NPC1: variants seen among roughly 807,000 people sequenced by gnomAD.
NPC1 encodes Niemann-Pick C1 protein.
NPC1 carries 85 observed loss-of-function variants against 140.4 expected under a neutral mutation model. The observed-to-expected ratio is 0.61, with a 90% CI of 0.51 to 0.72. The LOEUF (loss-of-function observed/expected upper bound fraction) is 0.72, where lower values mean the gene tolerates loss of function less well. Among genes scored for constraint, NPC1 ranks in the 30% least tolerant of loss-of-function variants. NPC1 has a pLI of 0.00. For synonymous variants in NPC1, 656 were observed against 624.8 expected, an observed-to-expected ratio of 1.05 and a Z score of -0.74; for missense variants, 1,504 against 1,623.8, an observed-to-expected ratio of 0.93 and a Z score of 1.27.
chr18:23,516,487 AGT>A (rs2058008402), intron 3 of NPC1: 12 of 1,543,098 alleles, frequency 7.8e-6, no homozygotes, highest in Admixed American at 6.8e-5. Flanking sequence ...TAATAGAAGG[AGT>A]GTGTTACAAG....
chr18:23,524,310 C>T, downstream of NPC1: 1 of 1,487,144 alleles, frequency 6.7e-7, no homozygotes, highest in Non-Finnish European at 9.4e-7. Context: ...CCTGACTGTC[C>T]AGGGGCCTCG....
At chr18:23,584,958 G>A (rs1471122215) in intron 1 of NPC1, among the ~76,000 whole-genome samples, 7 of 152,154 alleles carry the variant, frequency 4.6e-5, no homozygotes, top group Non-Finnish European at 2.9e-5. Flanking sequence ...AAGGTGGAAG[G>A]ACTGCTTGAG....
Position 23,515,643 on chromosome 18 carries a change from G to A in NPC1, c.432-9001C>T, listed in dbSNP as rs560172599. 6.6e-5 allele frequency among the ~76,000 whole-genome samples: 10 copies of A among 152,056 alleles called. 1 individual carries two copies. The highest frequency in any genetic ancestry group is 1.2e-4 in the Non-Finnish European group (8 of 68,004). On this transcript the variant is annotated intron_variant, in intron 3 of 3. Coordinates refer to the NPC1 transcript ENST00000591107. The stretch of plus-strand genomic sequence containing the variant: ...TCCTGGGTTCATTCAAGCAATTCTT[G>A]TGCCTCAGCCTTCTGAGTAGCTGGA...
rs1443429857 is a variant in NPC1, at chr18:23,545,106, T to C, written c.1801A>G (p.Ile601Val). Residue 601 changes from isoleucine (I) to valine (V), a missense_variant, in exon 12 of 25, where the codon ATT (isoleucine) becomes GTT (valine). By Grantham distance (29) the Ile-to-Val change is conservative. Transcript: ENST00000269228. ...VKNYKNPNLT[I>V]SFTAERSIED... ...ATACTTCGTTCAGCAGTGAAGGAAA[T>C]GGTCAGATTGGGATTCTTGTAGTTT... 1.9e-6 allele frequency: 3 copies of C among 1,613,484 alleles called. No individual in the cohort carries two copies. The highest frequency in any genetic ancestry group is 2.2e-5 in the East Asian group (1 of 44,894).
At chr18:23,524,668 T>C (rs979476365), downstream of NPC1, among the ~76,000 whole-genome samples, 1 of 152,004 alleles carries the variant, frequency 6.6e-6, no homozygotes, top group African/African-American at 2.4e-5. Context: ...CAAGAACATA[T>C]ACTACTTTTA....
rs552961636 is a variant in NPC1 at position 23,538,153 on chromosome 18, G to A, written c.3041+389C>T. Among the ~76,000 whole-genome samples, 19 of 152,266 alleles carry A rather than the reference G, an allele frequency of 1.2e-4. 1 individual carries two copies. In the South Asian group the frequency reaches 3.9e-3, roughly 32 times the overall value. On this transcript the variant is annotated intron_variant, in intron 20 of 24. Transcript: ENST00000269228. ...AATCGCAACCTTAATGTGGGATAAT[G>A]TTACTAAAGCTAAGATCACGCCCCA...
intron 3 of NPC1, among the ~76,000 whole-genome samples, chr18:23,570,014 A>T (rs1216378219): frequency 6.6e-6 from 1 of 152,222 alleles, no homozygotes; most frequent in Non-Finnish European, 1.5e-5. Flanking sequence ...TAAGACAAAG[A>T]ATGAAAAAAG....
intron 11 of NPC1, among the ~76,000 whole-genome samples, chr18:23,547,793 T>C (rs1197501668): frequency 6.6e-6 from 1 of 152,186 alleles, no homozygotes; most frequent in African/African-American, 2.4e-5. Context: ...TTGCACACTT[T>C]TGCATTCCTG....
At chr18:23,510,133 G>A (rs1432784167) in intron 3 of NPC1, among the ~76,000 whole-genome samples, 1 of 151,786 alleles carries the variant, frequency 6.6e-6, no homozygotes, top group Non-Finnish European at 1.5e-5. Flanking sequence ...GACCAGCCAG[G>A]CCAACATGAT....
At chr18:23,508,732 C>G (rs1770923890) in intron 3 of NPC1, 1 of 152,698 alleles carries the variant, frequency 6.5e-6, no homozygotes. Flanking sequence ...TGAAGAGACC[C>G]TCAGCCCGGC....
chr18:23,569,051 C>A, intron 3 of NPC1, 53 bp from the exon 4 acceptor site: 1 of 1,250,922 alleles, frequency 8.0e-7, no homozygotes, highest in Non-Finnish European at 1.2e-6. Flanking sequence ...ATAGGGCCAG[C>A]AAGAACGATT....
At chr18:23,549,978 TAAGAAA>T (rs1454194719) in intron 10 of NPC1, among the ~76,000 whole-genome samples, 5 of 151,754 alleles carry the variant, frequency 3.3e-5, no homozygotes, top group African/African-American at 1.2e-4. Context: ...CTTTATTTAT[TAAGAAA>T]ATGCTGACTG....
rs1420752430 is a variant in NPC1, at chr18:23,541,193, T to C, written c.2389A>G (p.Ile797Val). Residue 797 changes from isoleucine (I) to valine (V), a missense_variant, in exon 16 of 25, where the codon ATC (isoleucine) becomes GTC (valine). Transcript: ENST00000269228. Reference protein sequence around the residue: ...IKRQEKNRLDIFCCVRGAEDG... With the variant: ...IKRQEKNRLDVFCCVRGAEDG... The stretch of plus-strand genomic sequence containing the variant: ...TCAGCACCTCTGACACAGCAAAAGA[T>C]GTCTAGCCGATTTTTCTGAGGGGAC... The C allele has an allele frequency of 2.5e-6, 4 of 1,614,142 alleles. No individual in the cohort carries two copies. The African/African-American group carries it at 4.0e-5, about 16-fold the overall frequency.
intron 10 of NPC1, among the ~76,000 whole-genome samples, chr18:23,549,742 C>CTTTTTTTTTTTTTTTT (rs1000073339): frequency 1.4e-5 from 2 of 138,006 alleles, no homozygotes; most frequent in African/African-American, 5.5e-5. Flanking sequence ...TTTTTCACAA[C>CTTTTTTTTTTTTTTTT]TTTTTTTTTT....
chr18:23,565,773 CT>C (rs1220444673), intron 4 of NPC1, among the ~76,000 whole-genome samples: 1 of 152,186 alleles, frequency 6.6e-6, no homozygotes, highest in African/African-American at 2.4e-5. Flanking sequence ...AGAAATACAA[CT>C]GATTTTTGTA....
intron 3 of NPC1, among the ~76,000 whole-genome samples, chr18:23,570,823 A>AGG (rs2059191333): frequency 6.6e-6 from 1 of 152,200 alleles, no homozygotes. Context: ...CAGATAAAAA[A>AGG]CTAAGTTTGA....
At chr18:23,575,449 ACCTGGAG>A (rs2059261419) in intron 1 of NPC1, among the ~76,000 whole-genome samples, 2 of 152,036 alleles carry the variant, frequency 1.3e-5, no homozygotes, top group Non-Finnish European at 2.9e-5. Context: ...CTGGGATCAC[ACCTGGAG>A]CAGGTTACGT....
chr18:23,551,720 C>T lies in NPC1; in HGVS notation c.1561G>A (p.Ala521Thr), dbSNP rs138184115. Residue 521 changes from alanine to threonine, a missense_variant, in exon 10 of 25, where the codon GCC becomes ACC. Ala to Thr is a moderately conservative substitution (Grantham distance 58, BLOSUM62 0). Coordinates refer to ENST00000269228, the MANE Select transcript of NPC1 (RefSeq NM_000271.5). ...AGCAAACTTGTATCATTCAGAGAGG[C>T]AGGAGCCCTGCCAAAAAGTTTAGAA... ...THFLYCVRAPASLNDTSLLHD... is the reference protein window; with the variant it reads ...THFLYCVRAPTSLNDTSLLHD... 4 of 1,613,694 alleles carry T rather than the reference C, an allele frequency of 2.5e-6. No homozygotes were observed. In the East Asian group the frequency reaches 6.7e-5, roughly 27 times the overall value.
At chr18:23,572,213 G>A (rs1449691850) in intron 2 of NPC1, 33 bp from the exon 3 acceptor site, 7 of 1,459,126 alleles carry the variant, frequency 4.8e-6, no homozygotes, top group African/African-American at 4.2e-5. Context: ...CACGGGAGTA[G>A]GCAACAGTTA....
Sources: gnomAD v4.1 joint callset for allele counts (sites outside exome capture counted in the v4.1 genomes callset) on GRCh38, gnomAD v4.1.1 for gene constraint, MANE v1.5 for transcripts, NCBI Gene and HGNC (gene_info 2026-07-23, HGNC 2026-07-21) for gene names.